OSTC: variants seen among roughly 807,000 people sequenced by gnomAD.
The protein encoded by OSTC is oligosaccharyltransferase complex non-catalytic subunit, also known as oligosaccharyltransferase complex subunit OSTC.
A neutral mutation model predicts 16.4 loss-of-function variants in OSTC; 16 were observed. The observed-to-expected ratio is 0.98, with a 90% CI of 0.66 to 1.49. The LOEUF (loss-of-function observed/expected upper bound fraction) is 1.49, where lower values mean the gene tolerates loss of function less well. OSTC is among the 40% of genes most tolerant of loss of function. The probability of loss-of-function intolerance (pLI) is 0.00; values close to 1 mark genes in which losing one functional copy is unlikely to be tolerated. For synonymous variants in OSTC, 67 were observed against 68.5 expected (o/e 0.98, Z 0.11); for missense variants, 139 against 186.3 (o/e 0.75, Z 1.48).
In OSTC at chr4:108,664,866, A is replaced by C. The variant is rs547579640; in HGVS notation, c.432-2381A>C. ...CTCAGCCTCCCAAAGTGCTGGGATT[A>C]CAGGCGTGAGCCACTGTGCCCAGCC... On this transcript the variant is annotated intron_variant, in intron 3 of 3. Coordinates refer to ENST00000361564, the MANE Select transcript of OSTC (RefSeq NM_021227.4). Among the ~76,000 whole-genome samples the C allele has an allele frequency of 5.8e-4, 88 of 152,314 alleles. 1 individual carries two copies. The highest frequency in any genetic ancestry group is 1.9e-3 in the African/African-American group (78 of 41,576).
intron 1 of OSTC, among the ~76,000 whole-genome samples, chr4:108,654,557 G>C (rs913256264): frequency 2.0e-5 from 3 of 152,196 alleles, no homozygotes; most frequent in African/African-American, 7.2e-5. Flanking sequence ...GCAGGTACCA[G>C]GTATTTGTAG....
In OSTC at chr4:108,664,112, G is replaced by A. The variant is rs370146738; in HGVS notation, c.432-3135G>A. Among the ~76,000 whole-genome samples the A allele has an allele frequency of 5.4e-4, 82 of 152,064 alleles. 2 individuals carry two copies. In the South Asian group the frequency reaches 0.014, roughly 25 times the overall value. On this transcript the variant is annotated intron_variant, in intron 3 of 3. Transcript: ENST00000361564. ...TTCTTCTTTTCTTTTTTCTAACATG[G>A]TATCGTTATAACATTATAATATTTC... is the stretch of plus-strand genomic sequence containing the variant.
chr4:108,657,332 G>A (rs778414518), intron 2 of OSTC, 118 bp from the exon 3 acceptor site: 3 of 838,344 alleles, frequency 3.6e-6, no homozygotes. Context: ...TAGTTGTAAG[G>A]CTAAGAATAA....
At chr4:108,650,865 C>G in intron 1 of OSTC, 71 bp downstream of exon 1, 1 of 1,604,038 alleles carries the variant, frequency 6.2e-7, no homozygotes, top group Non-Finnish European at 8.5e-7. Flanking sequence ...CGCGTCTGTT[C>G]CGCTGACTCT....
chr4:108,665,315 C>G (rs557969660), intron 3 of OSTC, among the ~76,000 whole-genome samples: 18 of 152,250 alleles, frequency 1.2e-4, no homozygotes, highest in African/African-American at 4.1e-4. Flanking sequence ...CCTTAAAACC[C>G]TTTGAGGTAA....
At chr4:108,651,245 C>T (rs571998630) in intron 1 of OSTC, 23 of 160,540 alleles carry the variant, frequency 1.4e-4, no homozygotes, top group Non-Finnish European at 2.8e-4. Flanking sequence ...GACTTTTAAA[C>T]TTATCTTTGT....
At chr4:108,664,714 G>A (rs558031384) in intron 3 of OSTC, among the ~76,000 whole-genome samples, 54 of 151,476 alleles carry the variant, frequency 3.6e-4, no homozygotes, top group African/African-American at 1.2e-3. Context: ...CTGCCTCGGC[G>A]TCCTGAGTAG....
chr4:108,661,315 T>C (rs1278179327), intron 3 of OSTC, among the ~76,000 whole-genome samples: 2 of 152,116 alleles, frequency 1.3e-5, no homozygotes, highest in African/African-American at 4.8e-5. Flanking sequence ...GTCCCTAATA[T>C]TTTTATTAGT....
At chr4:108,661,451 T>G (rs1206162047) in intron 3 of OSTC, among the ~76,000 whole-genome samples, 1 of 152,134 alleles carries the variant, frequency 6.6e-6, no homozygotes, top group Non-Finnish European at 1.5e-5. Flanking sequence ...ATACATAGAC[T>G]CAAAGGAAAT....
intron 3 of OSTC, among the ~76,000 whole-genome samples, chr4:108,662,348 G>T (rs17585345): frequency 6.6e-6 from 1 of 152,056 alleles, no homozygotes; most frequent in African/African-American, 2.4e-5. Flanking sequence ...ATTCATTTTC[G>T]ACAGACCCTC....
intron 3 of OSTC, among the ~76,000 whole-genome samples, chr4:108,658,338 T>C (rs1726764727): frequency 6.6e-6 from 1 of 152,088 alleles, no homozygotes; most frequent in African/African-American, 2.4e-5. Flanking sequence ...GCTCTTTGAA[T>C]ATTGGTAGGA....
At chr4:108,655,188 G>A (rs1222005017) in intron 1 of OSTC, among the ~76,000 whole-genome samples, 4 of 152,124 alleles carry the variant, frequency 2.6e-5, no homozygotes, top group African/African-American at 7.2e-5. Context: ...AAACTTGGCC[G>A]GGTGCAGTGG....
At chr4:108,667,160 T>A in intron 3 of OSTC, 87 bp from the exon 4 acceptor site, 2 of 1,036,626 alleles carry the variant, frequency 1.9e-6, no homozygotes, top group Non-Finnish European at 2.9e-6. Context: ...TCATAAAATT[T>A]GTTTTGGCAT....
At chr4:108,665,514 A>G (rs6816642) in intron 3 of OSTC, among the ~76,000 whole-genome samples, 114,723 of 140,408 alleles carry the variant, frequency 0.82, 47,112 homozygotes, top group East Asian at 1. Context: ...GGGTTTCACC[A>G]TGTTAGCCAG....
At chr4:108,658,099 T>G (rs748001019) in intron 3 of OSTC, among the ~76,000 whole-genome samples, 1 of 151,834 alleles carries the variant, frequency 6.6e-6, no homozygotes. Context: ...ACTCAGCTAT[T>G]TTTTGTATTT....
At chr4:108,665,533 G>GTTTTTTGTTT (rs33968685) in intron 3 of OSTC, among the ~76,000 whole-genome samples, 1 of 125,952 alleles carries the variant, frequency 7.9e-6, no homozygotes, top group Admixed American at 7.8e-5. Context: ...AGGATGTTTT[G>GTTTTTTGTTT]TGTTTTGTTT....
At chr4:108,661,090 C>T (rs1415631085) in intron 3 of OSTC, among the ~76,000 whole-genome samples, 9 of 151,582 alleles carry the variant, frequency 5.9e-5, no homozygotes, top group Admixed American at 3.3e-4. Context: ...TGGTAGTGCA[C>T]GCCTGTAATC....
In OSTC at chr4:108,667,243, G is replaced by T; in HGVS notation, c.432-4G>T. ...TTTTTGTGCTTATAATTATATTTCTGCAGGGGCTATCTGATGGGTTAGAGT... is the reference window on the plus strand; with the variant it reads ...TTTTTGTGCTTATAATTATATTTCTTCAGGGGCTATCTGATGGGTTAGAGT... On this transcript the variant is annotated splice_polypyrimidine_tract_variant and splice_region_variant and intron_variant, in intron 3 of 3. Coordinates refer to ENST00000361564, the MANE Select transcript of OSTC (RefSeq NM_021227.4). The T allele has an allele frequency of 1.2e-6, 2 of 1,607,716 alleles. No individual in the cohort carries two copies. The highest frequency in any genetic ancestry group is 1.7e-6 in the Non-Finnish European group (2 of 1,176,236).
chr4:108,652,156 G>A (rs1367183542), intron 1 of OSTC: 1 of 151,920 alleles, frequency 6.6e-6, no homozygotes, highest in Admixed American at 6.6e-5. Context: ...TTGAGTGCTC[G>A]CTTCGGCAGC....
Sources: allele counts gnomAD v4.1 joint callset (sites outside exome capture counted in the v4.1 genomes callset), GRCh38; gene constraint gnomAD v4.1.1; transcripts MANE v1.5; gene names NCBI Gene and HGNC (gene_info 2026-07-23, HGNC 2026-07-21).